The following ARHGAP42 variants were observed in gnomAD, a reference collection of about 807,000 sequenced individuals.
ARHGAP42 encodes the protein Rho GTPase activating protein 42.
Under a neutral mutation model 125.0 loss-of-function variants are expected in ARHGAP42, and 63 were observed. The observed-to-expected ratio is 0.50, with a 90% CI of 0.41 to 0.62. The LOEUF (loss-of-function observed/expected upper bound fraction) is 0.62, where lower values mean the gene tolerates loss of function less well. Among genes scored for constraint, ARHGAP42 ranks in the 20% least tolerant of loss-of-function variants. The probability of loss-of-function intolerance (pLI) is 0.00; values close to 1 mark genes in which losing one functional copy is unlikely to be tolerated. For missense variants in ARHGAP42, 766 were observed against 1,024.2 expected (o/e 0.75, Z 3.44); for synonymous variants, 339 against 351.0 (o/e 0.97, Z 0.38).
intron 4 of ARHGAP42, among the ~76,000 whole-genome samples, chr11:100,893,830 G>A (rs1456964696): frequency 6.6e-6 from 1 of 151,976 alleles, no homozygotes; most frequent in Non-Finnish European, 1.5e-5. Flanking sequence ...GCAGTAAACA[G>A]AATTGATAGA....
At chr11:100,860,675 C>G (rs1366818711) in intron 4 of ARHGAP42, among the ~76,000 whole-genome samples, 1 of 152,004 alleles carries the variant, frequency 6.6e-6, no homozygotes. Flanking sequence ...CAGAAACAAC[C>G]CTTCCTTATA....
At chr11:100,887,575 G>A (rs561715335) in intron 4 of ARHGAP42, among the ~76,000 whole-genome samples, 25 of 152,290 alleles carry the variant, frequency 1.6e-4, no homozygotes, top group Non-Finnish European at 2.8e-4. Context: ...TTCATTTGAA[G>A]CATTCATCTG....
At chr11:100,947,210 G>T (rs1868046411) in intron 10 of ARHGAP42, among the ~76,000 whole-genome samples, 1 of 151,684 alleles carries the variant, frequency 6.6e-6, no homozygotes, top group South Asian at 2.1e-4. Context: ...GTTTTGAATA[G>T]GATTCTTCTT....
intron 1 of ARHGAP42, among the ~76,000 whole-genome samples, chr11:100,759,548 AG>A (rs2120354458): frequency 6.6e-6 from 1 of 152,286 alleles, no homozygotes; most frequent in East Asian, 1.9e-4. Context: ...GAGAGTTATA[AG>A]ATTTAGACAC....
At chr11:100,712,226 G>A (rs576985640) in intron 1 of ARHGAP42, among the ~76,000 whole-genome samples, 1 of 152,272 alleles carries the variant, frequency 6.6e-6, no homozygotes, top group East Asian at 1.9e-4. Flanking sequence ...AGTATTGCAT[G>A]CAGTTTGGGA....
chr11:100,965,843 A>G, intron 17 of ARHGAP42, 67 bp downstream of exon 17: 1 of 1,345,120 alleles, frequency 7.4e-7, no homozygotes, highest in Non-Finnish European at 1.0e-6. Context: ...ATGTCTTTTT[A>G]AAGTGTGTGA....
chr11:100,921,246 T>TATATA (rs1170204867), intron 5 of ARHGAP42, among the ~76,000 whole-genome samples: 9 of 34,594 alleles, frequency 2.6e-4, no homozygotes, highest in Admixed American at 5.6e-4. Context: ...TATATATATA[T>TATATA]TTTTTTTTTT....
chr11:100,838,984 T>A (rs953632306), intron 3 of ARHGAP42, among the ~76,000 whole-genome samples: 1 of 152,174 alleles, frequency 6.6e-6, no homozygotes, highest in Admixed American at 6.6e-5. Context: ...TTATAACTTT[T>A]TTTTTTTAGG....
chr11:100,737,537 T>C (rs1412294008), intron 1 of ARHGAP42, among the ~76,000 whole-genome samples: 4 of 152,074 alleles, frequency 2.6e-5, no homozygotes, highest in Non-Finnish European at 4.4e-5. Context: ...TTCCATTTCT[T>C]TTCCTATTGG....
chr11:100,943,947 C>G, intron 10 of ARHGAP42, 79 bp downstream of exon 10: 1 of 936,714 alleles, frequency 1.1e-6, no homozygotes, highest in Non-Finnish European at 1.6e-6. Context: ...AAACATGAAA[C>G]AGCATTCAAG....
chr11:100,704,686 C>T (rs564553639), intron 1 of ARHGAP42, among the ~76,000 whole-genome samples: 4 of 151,460 alleles, frequency 2.6e-5, no homozygotes, highest in African/African-American at 7.3e-5. Context: ...TATGGTGGCT[C>T]GGTGGTTCAT....
At chr11:100,972,984 C>T (rs966373859) in intron 17 of ARHGAP42, among the ~76,000 whole-genome samples, 191 bp from the exon 18 acceptor site, 9 of 151,918 alleles carry the variant, frequency 5.9e-5, no homozygotes, top group Non-Finnish European at 5.9e-5. Context: ...TTATGTTTTA[C>T]GTGAGTTAAT....
At chr11:100,962,019 T>C (rs1480304668) in intron 15 of ARHGAP42, among the ~76,000 whole-genome samples, 1 of 152,254 alleles carries the variant, frequency 6.6e-6, no homozygotes, top group African/African-American at 2.4e-5. Flanking sequence ...TTGTCCCATA[T>C]GTATATGGGA....
intron 11 of ARHGAP42, 22 bp downstream of exon 11, chr11:100,948,557 T>C (rs1226258676): frequency 6.6e-7 from 1 of 1,524,672 alleles, no homozygotes; most frequent in Non-Finnish European, 8.9e-7. Context: ...ACACATTCTA[T>C]AATTTAGGTT....
intron 2 of ARHGAP42, among the ~76,000 whole-genome samples, chr11:100,776,737 C>T (rs1466742606): frequency 6.6e-6 from 1 of 152,112 alleles, no homozygotes; most frequent in Non-Finnish European, 1.5e-5. Context: ...AGCACTAGCA[C>T]TTTAGGAGGC....
chr11:100,750,422 G>A (rs1470806393), intron 1 of ARHGAP42, among the ~76,000 whole-genome samples: 2 of 150,462 alleles, frequency 1.3e-5, no homozygotes, highest in Non-Finnish European at 3.0e-5. Flanking sequence ...CGGTAAAAAT[G>A]GTTATGGCAG....
At chr11:100,726,774 G>A (rs566117184) in intron 1 of ARHGAP42, among the ~76,000 whole-genome samples, 111 of 152,286 alleles carry the variant, frequency 7.3e-4, no homozygotes, top group African/African-American at 2.6e-3. Flanking sequence ...TCTGAGTTGT[G>A]GAGGTGATTG....
chr11:100,795,545 G>C (rs1190745896), intron 3 of ARHGAP42, among the ~76,000 whole-genome samples: 1 of 152,170 alleles, frequency 6.6e-6, no homozygotes, highest in Admixed American at 6.5e-5. Flanking sequence ...TTCATGGAAG[G>C]AGGAACTTGC....
chr11:100,819,216 G>A (rs1263258024), intron 3 of ARHGAP42, among the ~76,000 whole-genome samples: 7 of 152,118 alleles, frequency 4.6e-5, no homozygotes, highest in African/African-American at 1.2e-4. Context: ...TATTTAGAAC[G>A]GCTCATCGGA....
Sources: allele counts gnomAD v4.1 joint callset (sites outside exome capture counted in the v4.1 genomes callset), GRCh38; gene constraint gnomAD v4.1.1; transcripts MANE v1.5; gene names NCBI Gene and HGNC (gene_info 2026-07-23, HGNC 2026-07-21).